Variants in LRBA observed in about 807,000 individuals in gnomAD.
LRBA encodes the protein lipopolysaccharide-responsive and beige-like anchor protein.
Under a neutral mutation model 330.0 loss-of-function variants are expected in LRBA, and 176 were observed. The ratio of observed to expected loss-of-function variants is 0.53; its 90% CI spans 0.47 to 0.60. The LOEUF (loss-of-function observed/expected upper bound fraction) is 0.60. LRBA is among the 20% of genes least tolerant of loss of function. LRBA has a pLI of 0.00. For missense variants in LRBA, 3,259 were observed against 3,444.8 expected (o/e 0.95, Z 1.35); for synonymous variants, 1,230 against 1,193.0 (o/e 1.03, Z -0.64).
At chr4:151,011,572 T>C (rs952820584) in intron 2 of LRBA, among the ~76,000 whole-genome samples, 6 of 134,520 alleles carry the variant, frequency 4.5e-5, no homozygotes, top group Non-Finnish European at 9.2e-5. Context: ...CACTCCAGCC[T>C]GGGCAACAGA....
At chr4:150,699,838 C>T (rs1784952200) in intron 36 of LRBA, among the ~76,000 whole-genome samples, 1 of 152,142 alleles carries the variant, frequency 6.6e-6, no homozygotes, top group African/African-American at 2.4e-5. Context: ...TCATGTCTCA[C>T]TGGTTGGGTA....
At chr4:150,843,865 G>A (rs1749459650) in intron 28 of LRBA, among the ~76,000 whole-genome samples, 1 of 152,136 alleles carries the variant, frequency 6.6e-6, no homozygotes, top group Non-Finnish European at 1.5e-5. Context: ...TGCTTACTAT[G>A]TAATAATGCA....
At chr4:150,519,555 T>A (rs1762711511) in intron 40 of LRBA, among the ~76,000 whole-genome samples, 2 of 152,306 alleles carry the variant, frequency 1.3e-5, no homozygotes, top group South Asian at 2.1e-4. Flanking sequence ...CATTTCTTTT[T>A]ATTACTGAGT....
At chr4:150,632,227 T>C (rs1464926090) in intron 37 of LRBA, among the ~76,000 whole-genome samples, 67 of 60,548 alleles carry the variant, frequency 1.1e-3, no homozygotes, top group African/African-American at 4.0e-3. Flanking sequence ...TGAGACTCTG[T>C]CTCAAGGAAA....
At chr4:150,465,356 A>T (rs1755311886) in intron 44 of LRBA, among the ~76,000 whole-genome samples, 1 of 152,150 alleles carries the variant, frequency 6.6e-6, no homozygotes, top group African/African-American at 2.4e-5. Flanking sequence ...TCACGCTGCT[A>T]CAAATATGAA....
At chr4:151,015,565 C>T (rs908127968), upstream of LRBA, 9 of 152,882 alleles carry the variant, frequency 5.9e-5, no homozygotes, top group Non-Finnish European at 1.2e-4. Flanking sequence ...CGCCCCTGCG[C>T]TCAGCCTTTG....
intron 9 of LRBA, among the ~76,000 whole-genome samples, chr4:150,910,311 C>T (rs1027117859): frequency 2.6e-5 from 4 of 152,004 alleles, no homozygotes; most frequent in Non-Finnish European, 5.9e-5. Context: ...GGTCTTTAAT[C>T]CATTTTCAGC....
At chr4:150,624,266 A>G (rs906891964) in intron 37 of LRBA, among the ~76,000 whole-genome samples, 1 of 150,836 alleles carries the variant, frequency 6.6e-6, no homozygotes, top group African/African-American at 2.4e-5. Context: ...GCAGTCATTC[A>G]CTGCCTTTCC....
intron 40 of LRBA, among the ~76,000 whole-genome samples, chr4:150,544,667 T>G (rs1327317811): frequency 1.3e-5 from 2 of 152,182 alleles, no homozygotes; most frequent in Non-Finnish European, 2.9e-5. Context: ...GTAAGCTCTG[T>G]AACATTAAGA....
At chr4:150,713,192 T>A (rs1002814798) in intron 36 of LRBA, among the ~76,000 whole-genome samples, 1 of 152,152 alleles carries the variant, frequency 6.6e-6, no homozygotes, top group Non-Finnish European at 1.5e-5. Context: ...TGCTTTGACC[T>A]CCTAAAAGGC....
At chr4:150,645,796 ATAT>A (rs1401925009) in intron 37 of LRBA, among the ~76,000 whole-genome samples, 1 of 151,952 alleles carries the variant, frequency 6.6e-6, no homozygotes, top group African/African-American at 2.4e-5. Flanking sequence ...AATCCATAAA[ATAT>A]TATAGATCAT....
intron 47 of LRBA, among the ~76,000 whole-genome samples, chr4:150,399,288 A>ATTC (rs1411925204): frequency 6.6e-6 from 1 of 152,192 alleles, no homozygotes; most frequent in Non-Finnish European, 1.5e-5. Context: ...GAGACACAAA[A>ATTC]TGCTAAATTC....
chr4:151,005,330 A>G (rs1258757677), intron 2 of LRBA, among the ~76,000 whole-genome samples: 5 of 145,402 alleles, frequency 3.4e-5, no homozygotes, highest in Admixed American at 2.1e-4. Flanking sequence ...CTGTAATCCC[A>G]GTGAGGCTGA....
chr4:150,307,673 G>T (rs886338577), intron 52 of LRBA, among the ~76,000 whole-genome samples: 4 of 152,086 alleles, frequency 2.6e-5, no homozygotes, highest in African/African-American at 7.2e-5. Context: ...CTGAGGCCAG[G>T]AGTTTGAGGT....
At chr4:150,694,475 A>AAAAAAAAAAAAAAAAAC (rs1784441996) in intron 36 of LRBA, among the ~76,000 whole-genome samples, 1 of 150,242 alleles carries the variant, frequency 6.7e-6, no homozygotes, top group Non-Finnish European at 1.5e-5. Context: ...AAAAAAAAAA[A>AAAAAAAAAAAAAAAAAC]AGCTATCTAC....
chr4:150,715,240 C>T (rs1272303756), intron 36 of LRBA, among the ~76,000 whole-genome samples: 1 of 152,142 alleles, frequency 6.6e-6, no homozygotes, highest in Non-Finnish European at 1.5e-5. Context: ...TAAATACCCA[C>T]CCCAACCTCT....
At chr4:150,601,327 T>C (rs1025964091) in intron 37 of LRBA, among the ~76,000 whole-genome samples, 3 of 152,274 alleles carry the variant, frequency 2.0e-5, no homozygotes, top group Non-Finnish European at 2.9e-5. Context: ...TAGGTAACAA[T>C]AGATTCTACT....
chr4:150,871,669 T>TA lies in LRBA; in HGVS notation c.2259-217dup, dbSNP rs921735514. Among the ~76,000 whole-genome samples, 310 of 143,502 alleles carry TA rather than the reference T, an allele frequency of 2.2e-3. 2 individuals are homozygous for TA. The highest frequency in any genetic ancestry group is 0.01 in the Middle Eastern group (3 of 286). 94.1% of individuals were successfully genotyped at this position (143,502 alleles called of 152,430 possible). Reference sequence around the variant, plus strand: ...TATAAGCATAGCCGAAGTTAAAAATTAAAAAAAAAAAAGACAAGTGTGCCT... The same window carrying TA: ...TATAAGCATAGCCGAAGTTAAAAATTAAAAAAAAAAAAAGACAAGTGTGCCT... On this transcript the variant is annotated intron_variant, in intron 18 of 56. Coordinates refer to ENST00000651943, the MANE Select transcript of LRBA (RefSeq NM_001364905.1).
At chr4:150,765,764 T>A (rs1404231961) in intron 34 of LRBA, among the ~76,000 whole-genome samples, 1 of 152,070 alleles carries the variant, frequency 6.6e-6, no homozygotes, top group Non-Finnish European at 1.5e-5. Flanking sequence ...AGGTAAAGGG[T>A]AAACATCATT....
Sources: gnomAD v4.1 joint callset for allele counts (sites outside exome capture counted in the v4.1 genomes callset) on GRCh38, gnomAD v4.1.1 for gene constraint, MANE v1.5 for transcripts, NCBI Gene and HGNC (gene_info 2026-07-23, HGNC 2026-07-21) for gene names.